The following TMEM132B variants were observed in gnomAD, a reference collection of about 807,000 sequenced individuals.
TMEM132B encodes the protein transmembrane protein 132B.
A neutral mutation model predicts 90.8 loss-of-function variants in TMEM132B; 18 were observed. The ratio of observed to expected loss-of-function variants is 0.20; its 90% CI spans 0.14 to 0.29. The LOEUF is 0.29. Among genes scored for constraint, TMEM132B ranks in the 10% least tolerant of loss-of-function variants. The pLI, the probability that TMEM132B is intolerant of heterozygous loss-of-function variation, is 1.00. For missense variants in TMEM132B, 1,096 were observed against 1,326.8 expected, an observed-to-expected ratio of 0.83 and a Z score of 2.70; for synonymous variants, 504 against 523.3, an observed-to-expected ratio of 0.96 and a Z score of 0.50.
chr12:125,554,905 T>C (rs192739121), intron 4 of TMEM132B, among the ~76,000 whole-genome samples: 140 of 152,360 alleles, frequency 9.2e-4, no homozygotes, highest in Non-Finnish European at 1.6e-3. Context: ...TTTCATCTTT[T>C]GATTATCAGT....
intron 4 of TMEM132B, among the ~76,000 whole-genome samples, chr12:125,572,206 T>C (rs2136831731): frequency 6.6e-6 from 1 of 152,342 alleles, no homozygotes; most frequent in East Asian, 1.9e-4. Context: ...TTTGATCACA[T>C]GGAAAACAGG....
intron 5 of TMEM132B, among the ~76,000 whole-genome samples, chr12:125,607,177 T>C (rs552804032): frequency 6.6e-6 from 1 of 152,258 alleles, no homozygotes; most frequent in Non-Finnish European, 1.5e-5. Context: ...TTGGAAAGTG[T>C]AGAGACAAAC....
At position 125,399,487 on chromosome 12, in the gene TMEM132B, G is replaced by A. The variant is rs866248965; in HGVS notation, c.960-16044G>A. Among the ~76,000 whole-genome samples, 548 of 140,884 alleles carry A rather than the reference G, an allele frequency of 3.9e-3. 1 individual carries two copies. The highest frequency in any genetic ancestry group is 0.023 in the South Asian group (96 of 4,120). The allele number at this position is 140,884 out of a possible 152,430, so 92.4% of individuals were successfully genotyped here. A position where few individuals can be genotyped will look rare whatever the true frequency, so the allele number is the denominator to read the frequency against. ...TGTGTGTGTGTGTGTGTGTGTATGT[G>A]TGTGTGTGTGTGTGTGTGTGTGTGT... On this transcript the variant is annotated intron_variant, in intron 2 of 8. Transcript: ENST00000682704.
intron 1 of TMEM132B, among the ~76,000 whole-genome samples, chr12:125,312,315 A>C (rs1436061035): frequency 6.6e-6 from 1 of 152,226 alleles, no homozygotes; most frequent in Non-Finnish European, 1.5e-5. Context: ...GCTGCCTCGC[A>C]TGTCCTTTTG....
rs923450564 is a variant in TMEM132B at position 125,459,250 on chromosome 12, C to T, written c.1106+43573C>T. On this transcript the variant is annotated intron_variant, in intron 3 of 8. Transcript: ENST00000682704. The surrounding 1 kb of genome is among the most constrained non-coding windows in gnomAD (Gnocchi z 4.1). ...GGACCCTCTTCTACGTGTGGGGAAC[C>T]GCCAGCATGTCCTTGGCTCAAGTCA... Among the ~76,000 whole-genome samples, 3 of 152,134 alleles carry T rather than the reference C, an allele frequency of 2.0e-5. No homozygotes were observed. Among genetic ancestry groups the T allele is most frequent in the Admixed American group, 6.5e-5 (1 of 15,282 alleles).
chr12:125,653,875 A>G lies in TMEM132B; in HGVS notation c.2417A>G (p.Asn806Ser), dbSNP rs369854969. 10 of 1,614,052 alleles carry G rather than the reference A, an allele frequency of 6.2e-6. No individual in the cohort carries two copies. The East Asian group carries it at 8.9e-5, about 14-fold the overall frequency. Residue 806 changes from asparagine to serine, a missense_variant, in exon 9 of 9, where the codon AAT becomes AGT. By Grantham distance (46) the Asn-to-Ser change is conservative. Transcript: ENST00000682704. Reference sequence around the variant, plus strand: ...AGTGATGAGCACCAAGGAGGCAGCAATGATATTGAGGGCATAAATCGGGAA... The same window carrying G: ...AGTGATGAGCACCAAGGAGGCAGCAGTGATATTGAGGGCATAAATCGGGAA... Reference protein sequence around the residue: ...PSSDEHQGGSNDIEGINREYK... With the variant: ...PSSDEHQGGSSDIEGINREYK...
At chr12:125,451,802 ATAGT>A (rs1397513437) in intron 3 of TMEM132B, among the ~76,000 whole-genome samples, 1 of 152,364 alleles carries the variant, frequency 6.6e-6, no homozygotes, top group African/African-American at 2.4e-5. Context: ...AATAGCATGA[ATAGT>A]TAGTTTACTT....
chr12:125,314,334 G>A (rs993616583), intron 1 of TMEM132B, among the ~76,000 whole-genome samples: 1 of 152,198 alleles, frequency 6.6e-6, no homozygotes, highest in Non-Finnish European at 1.5e-5. Context: ...AGTAATTGGA[G>A]GTTTTGCCGA....
intron 1 of TMEM132B, among the ~76,000 whole-genome samples, chr12:125,344,089 A>G (rs1877281965): frequency 6.6e-6 from 1 of 152,100 alleles, no homozygotes; most frequent in Non-Finnish European, 1.5e-5. Flanking sequence ...CCCTTCTCTC[A>G]TGGTATCTGA....
At chr12:125,502,420 A>G (rs1351409607) in intron 3 of TMEM132B, among the ~76,000 whole-genome samples, 3 of 152,238 alleles carry the variant, frequency 2.0e-5, no homozygotes. Flanking sequence ...AGATGGCTGA[A>G]GGAGCACCTC....
intron 3 of TMEM132B, among the ~76,000 whole-genome samples, chr12:125,480,439 C>G (rs1450484025): frequency 6.6e-6 from 1 of 152,136 alleles, no homozygotes. Flanking sequence ...CACCACCGAT[C>G]CCACAGAAAT....
chr12:125,626,463 G>A (rs895241037), intron 5 of TMEM132B, among the ~76,000 whole-genome samples: 6 of 152,180 alleles, frequency 3.9e-5, no homozygotes, highest in African/African-American at 1.4e-4. Flanking sequence ...AGACTCCCAA[G>A]CTTTTCTCCA....
rs1450561807 is a variant in TMEM132B at position 125,652,484 on chromosome 12, T to C, written c.1958T>C (p.Val653Ala). 1.2e-6 allele frequency: 2 copies of C among 1,612,484 alleles called. No individual in the cohort carries two copies. The highest frequency in any genetic ancestry group is 1.7e-6 in the Non-Finnish European group (2 of 1,179,254). ...GACTCCATCCTGGCTGAGAAGACGG[T>C]GATTGTCCTGGATGACCGAGTCACC... is the stretch of plus-strand genomic sequence containing the variant. Reference protein sequence around the residue: ...LSDSILAEKTVIVLDDRVTIA... With the variant: ...LSDSILAEKTAIVLDDRVTIA... Residue 653 changes from valine (V) to alanine (A), a missense_variant, in exon 8 of 9, where the codon GTG becomes GCG. Val to Ala is a moderately conservative substitution (Grantham distance 64). Transcript: ENST00000682704.
intron 3 of TMEM132B, among the ~76,000 whole-genome samples, chr12:125,482,089 A>G (rs1034106393): frequency 2.6e-5 from 4 of 152,216 alleles, no homozygotes; most frequent in African/African-American, 7.2e-5. Context: ...TTACACACTT[A>G]TACAAAAATT....
intron 6 of TMEM132B, among the ~76,000 whole-genome samples, chr12:125,647,412 A>C (rs1420484335): frequency 6.6e-6 from 1 of 152,260 alleles, no homozygotes; most frequent in Non-Finnish European, 1.5e-5. Context: ...GTGAAGACAC[A>C]TAGTAATTAA....
At chr12:125,256,627 T>C (rs930566699) in intron 1 of TMEM132B, among the ~76,000 whole-genome samples, 5 of 152,240 alleles carry the variant, frequency 3.3e-5, no homozygotes, top group Non-Finnish European at 7.3e-5. Flanking sequence ...CAGAAAACAT[T>C]TGCCCACACT....
Position 125,460,713 on chromosome 12 carries a change from G to A in TMEM132B, c.1106+45036G>A, listed in dbSNP as rs916684570. 6.6e-6 allele frequency among the ~76,000 whole-genome samples: 1 copy of A among 152,156 alleles called. No individual in the cohort carries two copies. Among genetic ancestry groups the A allele is most frequent in the African/African-American group, 2.4e-5 (1 of 41,422 alleles). ...TTGATTCCAGACCACTGGGGCCAGT[G>A]TCATCAGCGTGTGTATGTCATTGGC... is the stretch of plus-strand genomic sequence containing the variant. On this transcript the variant is annotated intron_variant, in intron 3 of 8. Coordinates refer to ENST00000682704, the MANE Select transcript of TMEM132B (RefSeq NM_001366854.1). This position sits in a 1 kb window ranked among gnomAD's most constrained non-coding sequence, Gnocchi z 4.4.
At chr12:125,373,897 T>C (rs977473348) in intron 2 of TMEM132B, among the ~76,000 whole-genome samples, 6 of 152,192 alleles carry the variant, frequency 3.9e-5, no homozygotes, top group African/African-American at 7.2e-5. Flanking sequence ...TGGGTTCAAG[T>C]GATTCTCATG....
rs910298694 is a variant in TMEM132B, at chr12:125,213,714, C to T, written c.67+26848C>T. ...GAGGGTTTACCTGTACATGATCTAG[C>T]GTCCCTTGCTCTAGATAGAGTGTGA... On this transcript the variant is annotated intron_variant, in intron 1 of 8. Transcript: ENST00000682704. The surrounding 1 kb of genome is among the most constrained non-coding windows in gnomAD (Gnocchi z 4.2). 2.6e-5 allele frequency among the ~76,000 whole-genome samples: 4 copies of T among 152,182 alleles called. No homozygotes were observed. The highest frequency in any genetic ancestry group is 4.8e-5 in the African/African-American group (2 of 41,456).
Sources: gnomAD v4.1 joint callset for allele counts (sites outside exome capture counted in the v4.1 genomes callset) on GRCh38, gnomAD v4.1.1 for gene constraint, Gnocchi (gnomAD v3.1) non-coding constraint, MANE v1.5 for transcripts, NCBI Gene and HGNC (gene_info 2026-07-23, HGNC 2026-07-21) for gene names.